FABP7: variants seen among roughly 807,000 people sequenced by gnomAD.
The protein encoded by FABP7 is fatty acid-binding protein, brain.
A neutral mutation model predicts 14.2 loss-of-function variants in FABP7; 13 were observed. That is an observed-to-expected ratio of 0.91 (90% CI 0.59 to 1.45). The LOEUF is 1.45. FABP7 is among the 40% of genes most tolerant of loss of function. FABP7 has a pLI of 0.00. For missense variants in FABP7, 149 were observed against 157.6 expected (o/e 0.95, Z 0.29); for synonymous variants, 49 against 51.4 (o/e 0.95, Z 0.20).
chr6:122,778,251 T>C (rs1466844312), upstream of FABP7, among the ~76,000 whole-genome samples: 1 of 152,180 alleles, frequency 6.6e-6, no homozygotes, highest in Non-Finnish European at 1.5e-5. Context: ...TTAAGTTTGA[T>C]TTTAGTGGTA....
At chr6:122,761,878 T>A in the FABP7 span, among the ~76,000 whole-genome samples, 6 of 152,170 alleles carry the variant, frequency 3.9e-5, no homozygotes, top group African/African-American at 1.4e-4. Context: ...AAGAAGATGT[T>A]CAAATTGAGG....
rs749146617 is a variant in FABP7, at chr6:122,780,366, T to C, written c.149T>C (p.Val50Ala). The stretch of plus-strand genomic sequence containing the variant: ...ATTATCAGTCAAGAAGGAGACAAAG[T>C]GGTCATCAGGACTCTCAGCACATTC... ...TVIISQEGDK[V>A]VIRTLSTFKN... Residue 50 changes from valine (V) to alanine (A), a missense_variant, in exon 2 of 4, where the codon GTG becomes GCG. Physicochemically the swap from Val to Ala is moderately conservative, Grantham distance 64. Coordinates refer to ENST00000368444, the MANE Select transcript of FABP7 (RefSeq NM_001446.5). 6.2e-7 allele frequency: 1 copy of C among 1,614,120 alleles called. No homozygotes were observed.
chr6:122,761,580 G>T, the FABP7 span, among the ~76,000 whole-genome samples: 1 of 152,062 alleles, frequency 6.6e-6, no homozygotes, highest in African/African-American at 2.4e-5. Context: ...GATCCAAACA[G>T]ACTTATGATT....
the FABP7 span, among the ~76,000 whole-genome samples, chr6:122,766,105 T>C: frequency 6.6e-6 from 1 of 152,120 alleles, no homozygotes; most frequent in Non-Finnish European, 1.5e-5. Flanking sequence ...CTCTCAAATA[T>C]GTAGCTAGAG....
At chr6:122,780,722 A>C (rs1780761878) in intron 2 of FABP7, among the ~76,000 whole-genome samples, 1 of 152,302 alleles carries the variant, frequency 6.6e-6, no homozygotes, top group South Asian at 2.1e-4. Flanking sequence ...TATTTCAGAA[A>C]ATATTTAATA....
At chr6:122,755,254 C>A in the FABP7 span, among the ~76,000 whole-genome samples, 1 of 152,096 alleles carries the variant, frequency 6.6e-6, no homozygotes, top group Non-Finnish European at 1.5e-5. Context: ...TAGCAAAATT[C>A]ATCTCTCTTC....
chr6:122,773,782 G>A, the FABP7 span, among the ~76,000 whole-genome samples: 2 of 151,958 alleles, frequency 1.3e-5, no homozygotes, highest in Non-Finnish European at 2.9e-5. Flanking sequence ...TGTTAAAAAG[G>A]AAAAATTGTT....
chr6:122,766,960 A>G, the FABP7 span, among the ~76,000 whole-genome samples: 145 of 152,272 alleles, frequency 9.5e-4, no homozygotes, highest in African/African-American at 3.2e-3. Context: ...TTGTATTTCT[A>G]TATAACAGTA....
the FABP7 span, among the ~76,000 whole-genome samples, chr6:122,750,330 A>G: frequency 6.6e-6 from 1 of 152,160 alleles, no homozygotes; most frequent in African/African-American, 2.4e-5. Context: ...TGCTACCAGT[A>G]GATCTTAAAA....
At chr6:122,757,714 G>A in the FABP7 span, among the ~76,000 whole-genome samples, 28 of 151,990 alleles carry the variant, frequency 1.8e-4, no homozygotes, top group African/African-American at 6.3e-4. Context: ...ATTTGTACCC[G>A]CTAACCTTGA....
the FABP7 span, among the ~76,000 whole-genome samples, chr6:122,753,987 C>G: frequency 6.6e-6 from 1 of 151,950 alleles, no homozygotes; most frequent in African/African-American, 2.4e-5. Context: ...CAGAAAAGGT[C>G]AAAGGGAGAA....
the FABP7 span, among the ~76,000 whole-genome samples, chr6:122,762,228 G>T: frequency 6.6e-6 from 1 of 152,102 alleles, no homozygotes; most frequent in Admixed American, 6.5e-5. Context: ...ATGCAAGTCT[G>T]GTTCAACATA....
At chr6:122,756,777 A>G in the FABP7 span, among the ~76,000 whole-genome samples, 4 of 152,186 alleles carry the variant, frequency 2.6e-5, no homozygotes, top group Admixed American at 2.0e-4. Context: ...GATCAACTCT[A>G]TCTTTGTCTT....
intron 2 of FABP7, among the ~76,000 whole-genome samples, 180 bp from the exon 3 acceptor site, chr6:122,780,913 T>G (rs748379239): frequency 1.3e-5 from 2 of 152,196 alleles, no homozygotes; most frequent in African/African-American, 2.4e-5. Flanking sequence ...TACTTTTTAA[T>G]CAAATTATGA....
intron 3 of FABP7, chr6:122,781,500 A>G: frequency 2.2e-6 from 3 of 1,354,576 alleles, no homozygotes; most frequent in South Asian, 2.2e-5. Flanking sequence ...TAGGATAACT[A>G]TGGATGTCTC....
chr6:122,757,399 C>G, the FABP7 span, among the ~76,000 whole-genome samples: 158 of 152,064 alleles, frequency 1.0e-3, 3 homozygotes, highest in Middle Eastern at 3.4e-3. Context: ...TGACTGAAGA[C>G]TAAATATCGT....
chr6:122,773,439 T>C, the FABP7 span, among the ~76,000 whole-genome samples: 1 of 152,212 alleles, frequency 6.6e-6, no homozygotes, highest in African/African-American at 2.4e-5. Context: ...AAATCTATAC[T>C]GTCACCTGTA....
chr6:122,766,906 T>A, the FABP7 span, among the ~76,000 whole-genome samples: 2 of 152,080 alleles, frequency 1.3e-5, no homozygotes, highest in African/African-American at 4.8e-5. Context: ...AATAATAGAA[T>A]AGTGTAGCAA....
the FABP7 span, among the ~76,000 whole-genome samples, chr6:122,759,757 A>G: frequency 6.6e-6 from 1 of 152,214 alleles, no homozygotes; most frequent in South Asian, 2.1e-4. Flanking sequence ...TAACTATGCT[A>G]CAATACTACT....
Sources: allele counts gnomAD v4.1 joint callset (sites outside exome capture counted in the v4.1 genomes callset), GRCh38; gene constraint gnomAD v4.1.1; transcripts MANE v1.5; gene names NCBI Gene and HGNC (gene_info 2026-07-23, HGNC 2026-07-21).